SHROOM2: variants seen among roughly 807,000 people sequenced by gnomAD.
SHROOM2 encodes the protein shroom family member 2, also known as protein Shroom2.
SHROOM2 carries 33 observed loss-of-function variants against 75.9 expected under a neutral mutation model. The observed-to-expected ratio is 0.43, with a 90% CI of 0.33 to 0.58. The LOEUF is 0.58. SHROOM2 is among the 20% of genes least tolerant of loss of function. The pLI, the probability that SHROOM2 is intolerant of heterozygous loss-of-function variation, is 0.04. For missense variants in SHROOM2, 1,434 were observed against 1,461.2 expected, an observed-to-expected ratio of 0.98 and a Z score of 0.30; for synonymous variants, 655 against 663.6, an observed-to-expected ratio of 0.99 and a Z score of 0.20.
intron 9 of SHROOM2, among the ~76,000 whole-genome samples, chrX:9,945,704 A>G (rs1485992747): frequency 3.6e-5 from 4 of 111,528 alleles, no homozygotes; most frequent in Non-Finnish European, 7.5e-5. Flanking sequence ...TGATTTAACA[A>G]GAGGGCATGT....
chrX:9,888,445 ACGTAT>A (rs2084273154), intron 2 of SHROOM2, among the ~76,000 whole-genome samples: 1 of 111,023 alleles, frequency 9.0e-6, no homozygotes, highest in African/African-American at 3.3e-5. Context: ...AATCTGTCAC[ACGTAT>A]ATATTTTTTA....
intron 1 of SHROOM2, among the ~76,000 whole-genome samples, chrX:9,830,406 C>T (rs756482485): frequency 2.7e-5 from 3 of 110,032 alleles, no homozygotes; most frequent in Non-Finnish European, 5.7e-5. Flanking sequence ...TGATCCACCA[C>T]AGCCATCTGT....
At chrX:9,913,806 G>T (rs1294014296) in intron 5 of SHROOM2, among the ~76,000 whole-genome samples, 3 of 112,020 alleles carry the variant, frequency 2.7e-5, no homozygotes, top group East Asian at 2.8e-4. Context: ...TTTATAAGAT[G>T]AATGGAAAAT....
intron 2 of SHROOM2, among the ~76,000 whole-genome samples, chrX:9,888,576 T>C (rs1000251414): frequency 1.8e-5 from 2 of 111,399 alleles, no homozygotes; most frequent in African/African-American, 6.5e-5. Flanking sequence ...CCCTAGTAGC[T>C]GCAACCACAG....
At position 9,895,729 on chromosome X, in the gene SHROOM2, C is replaced by T; in HGVS notation, c.1821C>T (p.Thr607=). 4 of 1,195,634 alleles carry T rather than the reference C, an allele frequency of 3.3e-6. No individual in the cohort carries two copies. Among genetic ancestry groups the T allele is most frequent in the Non-Finnish European group, 4.5e-6 (4 of 888,538 alleles). ...RPESSPEDSA[T]RPPPFDAHVG... is the part of the protein sequence containing the mutation. ...AGAGCAGTCCAGAGGACAGCGCCAC[C>T]AGACCGCCACCGTTCGACGCCCACG... The change falls in exon 4 of 10, where the codon ACC becomes ACT. Residue 607 remains threonine, a synonymous_variant. Coordinates refer to ENST00000380913, the MANE Select transcript of SHROOM2 (RefSeq NM_001649.4).
chrX:9,810,746 T>C (rs1408964688), intron 1 of SHROOM2, among the ~76,000 whole-genome samples: 1 of 110,427 alleles, frequency 9.1e-6, no homozygotes, highest in East Asian at 2.8e-4. Context: ...AACAGTACCA[T>C]ATATTGGGCG....
intron 1 of SHROOM2, chrX:9,818,186 G>A (rs191403337): frequency 8.8e-4 from 142 of 161,786 alleles, no homozygotes; most frequent in African/African-American, 1.8e-3. Flanking sequence ...GGCTGGTAAC[G>A]GAGAAGAATT....
chrX:9,806,234 C>T (rs6640515), intron 1 of SHROOM2, among the ~76,000 whole-genome samples: 2,221 of 110,670 alleles, frequency 0.02, 71 homozygotes, highest in East Asian at 0.16. Flanking sequence ...GAAACCTGCC[C>T]GTGGTTATGG....
At chrX:9,810,556 G>T (rs1055935148) in intron 1 of SHROOM2, among the ~76,000 whole-genome samples, 1 of 110,604 alleles carries the variant, frequency 9.0e-6, no homozygotes, top group Non-Finnish European at 1.9e-5. Context: ...AATCATTGTT[G>T]TGTCTCCTGG....
In SHROOM2 at chrX:9,790,110, C is replaced by T. The variant is rs1174337935; in HGVS notation, c.165+3400C>T. Among the ~76,000 whole-genome samples, 3 of 112,182 alleles carry T rather than the reference C, an allele frequency of 2.7e-5. No individual in the cohort carries two copies. In the East Asian group the frequency reaches 8.4e-4, roughly 32 times the overall value. On this transcript the variant is annotated intron_variant, in intron 1 of 9. Coordinates refer to ENST00000380913, the MANE Select transcript of SHROOM2 (RefSeq NM_001649.4). ...GGGCATATTTTGGGGGGCGTGCAGC[C>T]AGGTGGCAAGTGTCTTATGTAAAGT...
intron 1 of SHROOM2, among the ~76,000 whole-genome samples, chrX:9,846,288 TC>T (rs1333565450): frequency 1.9e-5 from 2 of 107,225 alleles, no homozygotes; most frequent in Non-Finnish European, 3.9e-5. Context: ...CACAGCTAAT[TC>T]TTTTATTTAT....
At chrX:9,880,195 C>T (rs899169000) in intron 2 of SHROOM2, among the ~76,000 whole-genome samples, 6 of 112,564 alleles carry the variant, frequency 5.3e-5, no homozygotes, top group African/African-American at 1.9e-4. Context: ...ACACCAAGGG[C>T]CCCTGGGATC....
chrX:9,816,733 G>A (rs1330682754), intron 1 of SHROOM2, among the ~76,000 whole-genome samples: 4 of 110,921 alleles, frequency 3.6e-5, no homozygotes, highest in Non-Finnish European at 7.5e-5. Flanking sequence ...GCTCGGGACG[G>A]TGTCCCCCCT....
chrX:9,834,410 GC>G (rs1339570857), intron 1 of SHROOM2, among the ~76,000 whole-genome samples: 2 of 112,248 alleles, frequency 1.8e-5, no homozygotes, highest in Non-Finnish European at 3.8e-5. Context: ...CTGTATAGGT[GC>G]CTGCAGAACC....
At chrX:9,863,604 A>T (rs1429498189) in intron 1 of SHROOM2, among the ~76,000 whole-genome samples, 15 of 100,667 alleles carry the variant, frequency 1.5e-4, no homozygotes, top group East Asian at 1.3e-3. Context: ...GTTATTTATT[A>T]TTTTTTTTTG....
intron 1 of SHROOM2, among the ~76,000 whole-genome samples, chrX:9,856,931 G>C (rs750276490): frequency 8.9e-6 from 1 of 112,611 alleles, no homozygotes; most frequent in Admixed American, 9.4e-5. Flanking sequence ...AAGGGGGCAC[G>C]AGGCTGCTCC....
intron 5 of SHROOM2, among the ~76,000 whole-genome samples, chrX:9,930,706 C>G (rs2084640688): frequency 9.0e-6 from 1 of 110,707 alleles, no homozygotes; most frequent in South Asian, 3.8e-4. Context: ...ATGTATTGTT[C>G]TCTAACCCAT....
rs566745530 is a variant in SHROOM2, at chrX:9,878,075, A to G, written c.317+4272A>G. Among the ~76,000 whole-genome samples, 5 of 112,399 alleles carry G rather than the reference A, an allele frequency of 4.4e-5. No homozygotes were observed. In the South Asian group the frequency reaches 1.8e-3, roughly 41 times the overall value. ...AAGCACCTGTAATTTCAAACACCCT[A>G]GGGAAAATTTCTTTTAAATATCACA... is the stretch of plus-strand genomic sequence containing the variant. On this transcript the variant is annotated intron_variant, in intron 2 of 9. Coordinates refer to ENST00000380913, the MANE Select transcript of SHROOM2 (RefSeq NM_001649.4).
At chrX:9,799,311 G>A (rs1325875088) in intron 1 of SHROOM2, among the ~76,000 whole-genome samples, 1 of 108,012 alleles carries the variant, frequency 9.3e-6, no homozygotes, top group African/African-American at 3.4e-5. Flanking sequence ...GGGATTACAG[G>A]TGCGCCACCG....
Sources: allele counts gnomAD v4.1 joint callset (sites outside exome capture counted in the v4.1 genomes callset), GRCh38; gene constraint gnomAD v4.1.1; transcripts MANE v1.5; gene names NCBI Gene and HGNC (gene_info 2026-07-23, HGNC 2026-07-21).